The following EYS variants were observed in gnomAD, a reference collection of about 807,000 sequenced individuals.
EYS encodes EGF-like photoreceptor maintenance factor.
In EYS, 250 loss-of-function variants were observed where a neutral mutation model predicts 282.1. That is an observed-to-expected ratio of 0.89 (90% CI 0.80 to 0.98). EYS has a LOEUF of 0.98. Among genes scored for constraint, EYS ranks in the 50% least tolerant of loss-of-function variants. EYS has a pLI of 0.00. For missense variants in EYS, 4,016 were observed against 3,709.0 expected (o/e 1.08, Z -2.15); for synonymous variants, 1,355 against 1,282.9 (o/e 1.06, Z -1.20).
At chr6:64,334,111 C>A (rs949260732) in intron 29 of EYS, among the ~76,000 whole-genome samples, 1 of 152,154 alleles carries the variant, frequency 6.6e-6, no homozygotes, top group Non-Finnish European at 1.5e-5. Context: ...GAACATAACA[C>A]AATGAAGAAG....
At chr6:65,669,029 A>C (rs1410879544) in intron 1 of EYS, among the ~76,000 whole-genome samples, 1 of 151,990 alleles carries the variant, frequency 6.6e-6, no homozygotes, top group Non-Finnish European at 1.5e-5. Flanking sequence ...ATGGATTCTA[A>C]GAAAATTTAA....
At chr6:65,122,217 G>T (rs931516146) in intron 12 of EYS, among the ~76,000 whole-genome samples, 1 of 152,032 alleles carries the variant, frequency 6.6e-6, no homozygotes, top group Admixed American at 6.6e-5. Context: ...GCACAGAAAT[G>T]AATATACTAA....
At chr6:64,429,639 G>A (rs1266741979) in intron 28 of EYS, among the ~76,000 whole-genome samples, 1 of 152,048 alleles carries the variant, frequency 6.6e-6, no homozygotes, top group East Asian at 1.9e-4. Flanking sequence ...TTGAGACCCT[G>A]TCTCAAAGAA....
At chr6:64,692,288 T>A (rs989987464) in intron 22 of EYS, among the ~76,000 whole-genome samples, 1 of 152,188 alleles carries the variant, frequency 6.6e-6, no homozygotes, top group East Asian at 1.9e-4. Flanking sequence ...AGGCCACTTG[T>A]ATGCTTTCTT....
chr6:63,908,045 T>C (rs201043801), intron 35 of EYS, among the ~76,000 whole-genome samples: 2 of 42,682 alleles, frequency 4.7e-5, no homozygotes, highest in Non-Finnish European at 4.1e-5. Context: ...TTTGTGTGTG[T>C]GTGTGTGTGT....
intron 12 of EYS, among the ~76,000 whole-genome samples, chr6:65,076,996 G>A (rs899601818): frequency 1.3e-5 from 2 of 151,934 alleles, no homozygotes; most frequent in African/African-American, 4.8e-5. Flanking sequence ...AGGAATAACA[G>A]TAGTATAGTA....
At position 63,720,227 on chromosome 6, in the gene EYS, A is replaced by G. The variant is rs1455918466; in HGVS notation, c.*369T>C. 2 of 288,884 alleles carry G rather than the reference A, an allele frequency of 6.9e-6. No homozygotes were observed. The highest frequency in any genetic ancestry group is 5.4e-5 in the East Asian group (1 of 18,484). The allele number at this position is 288,884 out of a possible 1,614,324, so 17.9% of individuals were successfully genotyped here. A position where few individuals can be genotyped will look rare whatever the true frequency, so the allele number is the denominator to read the frequency against. The stretch of plus-strand genomic sequence containing the variant: ...CTATCCCTAATTCATTCCCAACTGA[A>G]TTTTAAACATTTTAAAGTTCAGCTT... On this transcript the variant is annotated 3_prime_UTR_variant, in exon 43 of 43. Transcript: ENST00000503581.
intron 2 of EYS, among the ~76,000 whole-genome samples, chr6:65,628,792 T>C (rs978193023): frequency 6.6e-6 from 1 of 152,160 alleles, no homozygotes; most frequent in African/African-American, 2.4e-5. Flanking sequence ...CCTTAAGAGC[T>C]GTAACACTCA....
chr6:63,906,270 CTACTG>C (rs1353000649), intron 35 of EYS, among the ~76,000 whole-genome samples: 2 of 152,190 alleles, frequency 1.3e-5, no homozygotes, highest in Admixed American at 6.5e-5. Context: ...TATTTTTAGT[CTACTG>C]TACTGCAAAG....
intron 26 of EYS, among the ~76,000 whole-genome samples, chr6:64,587,593 G>T (rs1395274259): frequency 6.6e-6 from 1 of 151,936 alleles, no homozygotes; most frequent in Non-Finnish European, 1.5e-5. Flanking sequence ...ATGCCATTTA[G>T]TGTTAGATGT....
chr6:63,778,733 A>C (rs1770131289), intron 39 of EYS, among the ~76,000 whole-genome samples: 1 of 152,106 alleles, frequency 6.6e-6, no homozygotes, highest in South Asian at 2.1e-4. Flanking sequence ...CTAGGGGAAA[A>C]GATATAGATG....
At chr6:64,665,407 G>A (rs534668027) in intron 22 of EYS, among the ~76,000 whole-genome samples, 3 of 152,114 alleles carry the variant, frequency 2.0e-5, no homozygotes, top group Non-Finnish European at 4.4e-5. Flanking sequence ...ATTTAGCCTT[G>A]CTTGGCTCAT....
At chr6:65,650,141 C>T (rs1767602418) in intron 1 of EYS, among the ~76,000 whole-genome samples, 2 of 152,132 alleles carry the variant, frequency 1.3e-5, no homozygotes, top group Admixed American at 1.3e-4. Context: ...TCTGAGCATT[C>T]TCATTGCCTA....
intron 16 of EYS, among the ~76,000 whole-genome samples, chr6:64,904,137 C>T (rs959965873): frequency 8.5e-5 from 13 of 152,208 alleles, no homozygotes; most frequent in African/African-American, 3.1e-4. Context: ...GATAGGTTAA[C>T]ATTTAAAAGA....
Position 65,691,151 on chromosome 6 carries a change from C to A in EYS, c.-448+15984G>T, listed in dbSNP as rs566408139. Among the ~76,000 whole-genome samples, 16 of 150,350 alleles carry A rather than the reference C, an allele frequency of 1.1e-4. 2 individuals carry two copies. The highest frequency in any genetic ancestry group is 3.4e-3 in the Middle Eastern group (1 of 290). On this transcript the variant is annotated intron_variant, in intron 1 of 42. Transcript: ENST00000503581. Reference sequence around the variant, plus strand: ...TTCTGGTTCTAGATCCTTGAGAAATCGCCATTCTGCCTTCCACAATGGTTG... The same window carrying A: ...TTCTGGTTCTAGATCCTTGAGAAATAGCCATTCTGCCTTCCACAATGGTTG...
chr6:65,536,616 G>A (rs1282608885), intron 2 of EYS, among the ~76,000 whole-genome samples: 2 of 152,088 alleles, frequency 1.3e-5, no homozygotes, highest in Non-Finnish European at 2.9e-5. Flanking sequence ...AAAAATGCTA[G>A]AAAAATGTGA....
intron 14 of EYS, among the ~76,000 whole-genome samples, chr6:64,958,749 A>AAAG (rs1769810664): frequency 2.7e-5 from 4 of 150,510 alleles, no homozygotes; most frequent in Admixed American, 6.6e-5. Context: ...AAAAAAAAAA[A>AAAG]AAAAAAAAAA....
chr6:65,292,476 C>A (rs1768553775), intron 12 of EYS, among the ~76,000 whole-genome samples: 2 of 151,676 alleles, frequency 1.3e-5, no homozygotes, highest in Admixed American at 6.6e-5. Flanking sequence ...TAGTTCAATT[C>A]TAATGTGGAC....
intron 26 of EYS, among the ~76,000 whole-genome samples, chr6:64,506,838 G>A (rs1036154140): frequency 1.6e-4 from 24 of 147,464 alleles, no homozygotes; most frequent in Non-Finnish European, 3.4e-4. Flanking sequence ...GAACCCGGGA[G>A]GCGGAGCTTG....
Sources: allele counts gnomAD v4.1 joint callset (sites outside exome capture counted in the v4.1 genomes callset), GRCh38; gene constraint gnomAD v4.1.1; transcripts MANE v1.5; gene names NCBI Gene and HGNC (gene_info 2026-07-23, HGNC 2026-07-21).